The following CDH18 variants were observed in gnomAD, a reference collection of about 807,000 sequenced individuals.
The protein encoded by CDH18 is cadherin-18.
In CDH18, 31 loss-of-function variants were observed where a neutral mutation model predicts 67.9. The observed-to-expected ratio is 0.46, with a 90% CI of 0.34 to 0.62. The LOEUF (loss-of-function observed/expected upper bound fraction) is 0.62, where lower values mean the gene tolerates loss of function less well. CDH18 is among the 20% of genes least tolerant of loss of function. CDH18 has a pLI of 0.01. For synonymous variants in CDH18, 362 were observed against 347.2 expected, an observed-to-expected ratio of 1.04 and a Z score of -0.48; for missense variants, 890 against 975.5, an observed-to-expected ratio of 0.91 and a Z score of 1.17.
At chr5:20,385,119 G>C (rs1244876681) in intron 1 of CDH18, among the ~76,000 whole-genome samples, 1 of 152,112 alleles carries the variant, frequency 6.6e-6, no homozygotes, top group Non-Finnish European at 1.5e-5. Flanking sequence ...TTACAGGTGT[G>C]AGCCACCACA....
chr5:19,852,750 C>T (rs555686184), intron 2 of CDH18, among the ~76,000 whole-genome samples: 6 of 152,124 alleles, frequency 3.9e-5, no homozygotes, highest in South Asian at 4.1e-4. Flanking sequence ...AACCCATACT[C>T]TACCTACACA....
intron 5 of CDH18, among the ~76,000 whole-genome samples, chr5:19,667,531 T>C (rs201624356): frequency 2.1e-4 from 26 of 123,132 alleles, no homozygotes; most frequent in South Asian, 5.8e-4. Context: ...CACACACACA[T>C]ACACACACAT....
intron 2 of CDH18, among the ~76,000 whole-genome samples, chr5:20,137,950 C>T (rs1749880341): frequency 6.6e-6 from 1 of 152,068 alleles, no homozygotes; most frequent in Non-Finnish European, 1.5e-5. Context: ...GGGAATCCTC[C>T]CTAACTCATT....
At chr5:19,844,883 C>T (rs752172901) in intron 2 of CDH18, among the ~76,000 whole-genome samples, 2 of 152,116 alleles carry the variant, frequency 1.3e-5, no homozygotes, top group Admixed American at 6.6e-5. Flanking sequence ...TTTGTAAACA[C>T]CCTCATCAAT....
At chr5:19,676,347 C>T (rs1435909250) in intron 5 of CDH18, among the ~76,000 whole-genome samples, 2 of 151,834 alleles carry the variant, frequency 1.3e-5, no homozygotes, top group Admixed American at 6.6e-5. Context: ...GCAGAGAATC[C>T]CTGTGAGATA....
chr5:20,125,636 A>T (rs1748757706), intron 2 of CDH18, among the ~76,000 whole-genome samples: 1 of 152,134 alleles, frequency 6.6e-6, no homozygotes, highest in African/African-American at 2.4e-5. Flanking sequence ...TTCCATTGAA[A>T]ATGTCTACAT....
At chr5:20,064,807 G>T (rs1182526839) in intron 2 of CDH18, among the ~76,000 whole-genome samples, 1 of 152,060 alleles carries the variant, frequency 6.6e-6, no homozygotes, top group African/African-American at 2.4e-5. Context: ...GCATTGGGCT[G>T]CTGTGTGAAA....
At chr5:19,729,310 T>A (rs1361065658) in intron 4 of CDH18, among the ~76,000 whole-genome samples, 1 of 152,208 alleles carries the variant, frequency 6.6e-6, no homozygotes, top group East Asian at 1.9e-4. Context: ...AATAATCTAT[T>A]GAGAAAATGA....
At chr5:20,417,942 A>T (rs1747460902) in intron 1 of CDH18, among the ~76,000 whole-genome samples, 2 of 152,218 alleles carry the variant, frequency 1.3e-5, no homozygotes, top group Non-Finnish European at 2.9e-5. Context: ...CTTTTCACGT[A>T]TGAAAATTAA....
intron 2 of CDH18, among the ~76,000 whole-genome samples, chr5:19,919,232 T>C (rs955118737): frequency 1.3e-5 from 2 of 150,758 alleles, no homozygotes; most frequent in South Asian, 2.1e-4. Context: ...TGTGTCCCTC[T>C]TCATCTGGCT....
intron 12 of CDH18, among the ~76,000 whole-genome samples, chr5:19,475,789 G>C (rs1213099621): frequency 1.3e-5 from 2 of 152,050 alleles, no homozygotes; most frequent in East Asian, 3.9e-4. Context: ...TGGCAACCTT[G>C]ATTATAAGTG....
At chr5:19,822,695 A>C (rs1780001418) in intron 3 of CDH18, among the ~76,000 whole-genome samples, 1 of 152,170 alleles carries the variant, frequency 6.6e-6, no homozygotes, top group Non-Finnish European at 1.5e-5. Flanking sequence ...GAATATCACA[A>C]GGCAAATGGA....
intron 1 of CDH18, among the ~76,000 whole-genome samples, chr5:20,449,536 G>T (rs1390453482): frequency 6.6e-6 from 1 of 151,806 alleles, no homozygotes; most frequent in African/African-American, 2.4e-5. Context: ...ATCTATAACT[G>T]GTCTAGGTCA....
rs990692008 is a variant in CDH18 at position 20,304,338 on chromosome 5, C to T, written c.-579-48833G>A. ...GTACCTATGACTTTCTCTTTAAATT[C>T]ATTATCTTTCTTGTAAAATAGTTTA... On this transcript the variant is annotated intron_variant, in intron 1 of 14. Transcript: ENST00000507958. 46 of 1,534,510 alleles carry T rather than the reference C, an allele frequency of 3.0e-5. No individual in the cohort carries two copies. In the African/African-American group the frequency reaches 5.5e-4, roughly 18 times the overall value.
At chr5:20,073,134 C>T (rs1234411422) in intron 2 of CDH18, among the ~76,000 whole-genome samples, 2 of 151,964 alleles carry the variant, frequency 1.3e-5, no homozygotes, top group Non-Finnish European at 2.9e-5. Flanking sequence ...ATCCCCACAT[C>T]AAATTTACAC....
chr5:19,993,405 T>C (rs902421215), intron 2 of CDH18, among the ~76,000 whole-genome samples: 13 of 152,140 alleles, frequency 8.5e-5, no homozygotes, highest in Non-Finnish European at 1.6e-4. Context: ...CTATTAAAGA[T>C]GAATTACAAA....
chr5:20,551,715 T>C (rs1227194094), intron 1 of CDH18, among the ~76,000 whole-genome samples: 1 of 152,174 alleles, frequency 6.6e-6, no homozygotes, highest in Non-Finnish European at 1.5e-5. Flanking sequence ...TACAACTATA[T>C]TTTAAGTCAC....
At chr5:20,097,312 T>C (rs1746073481) in intron 2 of CDH18, among the ~76,000 whole-genome samples, 2 of 152,126 alleles carry the variant, frequency 1.3e-5, no homozygotes, top group African/African-American at 4.8e-5. Context: ...GACTCACAGC[T>C]TGACATGGCT....
At chr5:19,788,269 G>A (rs924311822) in intron 3 of CDH18, among the ~76,000 whole-genome samples, 1 of 152,048 alleles carries the variant, frequency 6.6e-6, no homozygotes, top group Non-Finnish European at 1.5e-5. Flanking sequence ...TTTTCAAGAT[G>A]GTAATGATGG....
Sources: allele counts gnomAD v4.1 joint callset (sites outside exome capture counted in the v4.1 genomes callset), GRCh38; gene constraint gnomAD v4.1.1; transcripts MANE v1.5; gene names NCBI Gene and HGNC (gene_info 2026-07-23, HGNC 2026-07-21).